RYR2: variants seen among roughly 807,000 people sequenced by gnomAD.
The protein encoded by RYR2 is ryanodine receptor 2, also known as cardiac muscle ryanodine receptor-calcium release channel.
RYR2 carries 227 observed loss-of-function variants against 601.1 expected under a neutral mutation model. The observed-to-expected ratio is 0.38, with a 90% CI of 0.34 to 0.42. RYR2 has a LOEUF of 0.42. Ranked by LOEUF, RYR2 falls within the 10% of genes least tolerant of loss-of-function variation. The pLI, the probability that RYR2 is intolerant of heterozygous loss-of-function variation, is 1.00. For synonymous variants in RYR2, 2,223 were observed against 2,175.1 expected (o/e 1.02, Z -0.61); for missense variants, 4,646 against 6,156.5 (o/e 0.75, Z 8.21).
At chr1:237,789,062 T>G (rs1438445973) in intron 92 of RYR2, among the ~76,000 whole-genome samples, 4 of 151,616 alleles carry the variant, frequency 2.6e-5, no homozygotes, top group African/African-American at 9.7e-5. Context: ...TTTTTATAAA[T>G]TTTTATAATT....
At chr1:237,314,316 A>T (rs1458306322) in intron 2 of RYR2, among the ~76,000 whole-genome samples, 1 of 152,110 alleles carries the variant, frequency 6.6e-6, no homozygotes, top group Admixed American at 6.5e-5. Flanking sequence ...CACCTGCCTC[A>T]GCCTCCCAAA....
chr1:237,344,417 C>T (rs571949737), intron 3 of RYR2, among the ~76,000 whole-genome samples: 2 of 152,172 alleles, frequency 1.3e-5, no homozygotes, highest in African/African-American at 2.4e-5. Flanking sequence ...TTATACTATT[C>T]GTTCTCTATC....
chr1:237,096,006 CAAAT>C (rs879396227), intron 1 of RYR2, among the ~76,000 whole-genome samples: 7 of 152,130 alleles, frequency 4.6e-5, no homozygotes, highest in Non-Finnish European at 1.0e-4. Flanking sequence ...GTCTGGTCTT[CAAAT>C]AAATGATTCT....
At chr1:237,637,672 A>G (rs1393168300) in intron 44 of RYR2, among the ~76,000 whole-genome samples, 1 of 152,236 alleles carries the variant, frequency 6.6e-6, no homozygotes, top group Non-Finnish European at 1.5e-5. Context: ...TCTTTAAAAT[A>G]TCTTTGCATC....
intron 25 of RYR2, among the ~76,000 whole-genome samples, chr1:237,535,478 C>CACAT (rs1668513987): frequency 9.2e-6 from 1 of 108,396 alleles, no homozygotes; most frequent in Non-Finnish European, 2.0e-5. Flanking sequence ...TTGAATCAAA[C>CACAT]ACACATACAC....
chr1:237,770,928 A>C (rs1318405050), intron 85 of RYR2, 41 bp downstream of exon 85: 3 of 1,267,658 alleles, frequency 2.4e-6, no homozygotes, highest in South Asian at 1.3e-5. Context: ...CTAAGGCATA[A>C]ATAATGTTTT....
chr1:237,135,739 C>T (rs536278875), intron 1 of RYR2, among the ~76,000 whole-genome samples: 1 of 152,278 alleles, frequency 6.6e-6, no homozygotes, highest in East Asian at 1.9e-4. Flanking sequence ...TATTGAAGGT[C>T]TGTCATTGTG....
chr1:237,824,564 C>T (rs1273852363), intron 101 of RYR2, among the ~76,000 whole-genome samples: 1 of 152,072 alleles, frequency 6.6e-6, no homozygotes, highest in East Asian at 1.9e-4. Flanking sequence ...AAACCCACAG[C>T]CAATATCATA....
At chr1:237,083,286 T>TG (rs1459658597) in intron 1 of RYR2, among the ~76,000 whole-genome samples, 2 of 152,164 alleles carry the variant, frequency 1.3e-5, no homozygotes, top group African/African-American at 2.4e-5. Flanking sequence ...TGGTGGCATT[T>TG]GGGCAGCCAA....
chr1:237,392,129 G>A (rs1298414896), intron 10 of RYR2, among the ~76,000 whole-genome samples: 1 of 152,056 alleles, frequency 6.6e-6, no homozygotes, highest in Non-Finnish European at 1.5e-5. Context: ...TAACTTTTTA[G>A]TTCTTATTAA....
At chr1:237,398,033 T>C (rs2149910632) in intron 10 of RYR2, among the ~76,000 whole-genome samples, 1 of 152,278 alleles carries the variant, frequency 6.6e-6, no homozygotes, top group Non-Finnish European at 1.5e-5. Flanking sequence ...TAATTTGGTA[T>C]CTTGTTGTCA....
At chr1:237,668,693 T>C (rs1047333991) in intron 58 of RYR2, among the ~76,000 whole-genome samples, 1 of 152,186 alleles carries the variant, frequency 6.6e-6, no homozygotes, top group African/African-American at 2.4e-5. Context: ...AAGCTTCTAC[T>C]TTTTATTTAT....
chr1:237,346,562 T>C (rs1008072055), intron 3 of RYR2, among the ~76,000 whole-genome samples: 3 of 152,114 alleles, frequency 2.0e-5, no homozygotes, highest in Non-Finnish European at 2.9e-5. Flanking sequence ...ACCCTTTCCT[T>C]GTATTGAGTT....
At chr1:237,628,116 A>G in intron 41 of RYR2, 36 bp downstream of exon 41, 1 of 1,601,266 alleles carries the variant, frequency 6.2e-7, no homozygotes, top group Non-Finnish European at 8.5e-7. Context: ...TTTGTCTCGT[A>G]AATGTTTTCT....
intron 29 of RYR2, among the ~76,000 whole-genome samples, chr1:237,574,160 G>A (rs1017580780): frequency 6.6e-6 from 1 of 152,176 alleles, no homozygotes; most frequent in Non-Finnish European, 1.5e-5. Flanking sequence ...TTTGGGGAAG[G>A]CAAAAGGATT....
intron 6 of RYR2, among the ~76,000 whole-genome samples, chr1:237,373,910 A>G (rs771658304): frequency 9.9e-5 from 15 of 152,214 alleles, no homozygotes; most frequent in Non-Finnish European, 1.5e-4. Flanking sequence ...TTTGGGAGAA[A>G]GATTTCTAAC....
intron 3 of RYR2, among the ~76,000 whole-genome samples, chr1:237,340,953 T>G (rs1424749600): frequency 6.6e-6 from 1 of 152,218 alleles, no homozygotes; most frequent in Non-Finnish European, 1.5e-5. Flanking sequence ...TCAGTTTTAC[T>G]GCCTTTCTGT....
At chr1:237,077,597 C>T (rs1321164694) in intron 1 of RYR2, among the ~76,000 whole-genome samples, 1 of 124,310 alleles carries the variant, frequency 8.0e-6, no homozygotes, top group Non-Finnish European at 1.7e-5. Flanking sequence ...ATTTATGCAC[C>T]CAATACAGGA....
chr1:237,636,596 G>A (rs1041686652), intron 44 of RYR2, among the ~76,000 whole-genome samples: 9 of 152,234 alleles, frequency 5.9e-5, no homozygotes, highest in African/African-American at 2.2e-4. Context: ...GGTACAGCCA[G>A]TGTGGAAAGC....
Sources: allele counts gnomAD v4.1 joint callset (sites outside exome capture counted in the v4.1 genomes callset), GRCh38; gene constraint gnomAD v4.1.1; transcripts MANE v1.5; gene names NCBI Gene and HGNC (gene_info 2026-07-23, HGNC 2026-07-21).